SLC24A2: variants seen among roughly 807,000 people sequenced by gnomAD.
SLC24A2 encodes the protein solute carrier family 24 member 2, also known as sodium/potassium/calcium exchanger 2.
In SLC24A2, 36 loss-of-function variants were observed where a neutral mutation model predicts 62.0. The observed-to-expected ratio is 0.58, with a 90% CI of 0.44 to 0.77. The LOEUF is 0.77. Ranked by LOEUF, SLC24A2 falls within the 30% of genes least tolerant of loss-of-function variation. The pLI is 0.00. For synonymous variants in SLC24A2, 358 were observed against 294.0 expected (o/e 1.22, Z -2.23); for missense variants, 846 against 817.9 (o/e 1.03, Z -0.42).
intron 2 of SLC24A2, among the ~76,000 whole-genome samples, chr9:19,636,304 CTTTTCTTTTCT>C (rs1271715026): frequency 1.5e-3 from 62 of 42,526 alleles, no homozygotes; most frequent in Admixed American, 2.1e-3. Context: ...CTTTTCTTTT[CTTTTCTTTTCT>C]TTTCTTTCTT....
At chr9:19,551,495 A>C (rs1437602841) in intron 7 of SLC24A2, among the ~76,000 whole-genome samples, 1 of 151,602 alleles carries the variant, frequency 6.6e-6, no homozygotes, top group Non-Finnish European at 1.5e-5. Flanking sequence ...ATCATCAATC[A>C]CTCCCTTCCC....
chr9:19,871,936 T>G, the SLC24A2 span, among the ~76,000 whole-genome samples: 4 of 152,198 alleles, frequency 2.6e-5, no homozygotes, highest in African/African-American at 9.6e-5. Flanking sequence ...AAACTTGCAA[T>G]TTTGAAGACT....
the SLC24A2 span, among the ~76,000 whole-genome samples, chr9:20,077,629 C>A: frequency 6.6e-6 from 1 of 152,048 alleles, no homozygotes. Context: ...AGAAGTGCCT[C>A]TAGGGTCTCA....
Position 19,515,689 on chromosome 9 carries a change from T to G in SLC24A2, c.*464A>C, listed in dbSNP as rs1338903635. 1 of 151,792 alleles carries G rather than the reference T, an allele frequency of 6.6e-6. No individual in the cohort carries two copies. The highest frequency in any genetic ancestry group is 1.5e-5 in the Non-Finnish European group (1 of 68,124). 9.4% of individuals were successfully genotyped at this position (151,792 alleles called of 1,614,324 possible). A position where few individuals can be genotyped will look rare whatever the true frequency, so the allele number is the denominator to read the frequency against. Reference sequence around the variant, plus strand: ...ATGCATTTGTACTTTTATATATATCTGATTTTATATATATATATATAATTT... The same window carrying G: ...ATGCATTTGTACTTTTATATATATCGGATTTTATATATATATATATAATTT... On this transcript the variant is annotated 3_prime_UTR_variant, in exon 11 of 11. Coordinates refer to ENST00000341998, the MANE Select transcript of SLC24A2 (RefSeq NM_020344.4).
At chr9:20,300,703 A>T in the SLC24A2 span, among the ~76,000 whole-genome samples, 1 of 152,196 alleles carries the variant, frequency 6.6e-6, no homozygotes, top group Non-Finnish European at 1.5e-5. Context: ...CCCTTCTCTC[A>T]TAAAAATGCC....
rs181514042 is a variant in SLC24A2 at position 19,713,107 on chromosome 9, G to C, written c.930+72830C>G. On this transcript the variant is annotated intron_variant, in intron 2 of 10. Coordinates refer to ENST00000341998, the MANE Select transcript of SLC24A2 (RefSeq NM_020344.4). The stretch of plus-strand genomic sequence containing the variant: ...TTTTTCTTCCCAGTATTTATCACTA[G>C]CTAACATCATATCAGATACTTCTTT... Among the ~76,000 whole-genome samples, 5 of 152,194 alleles carry C rather than the reference G, an allele frequency of 3.3e-5. No individual in the cohort carries two copies. In the South Asian group the frequency reaches 1.0e-3, roughly 32 times the overall value.
At chr9:19,684,546 G>A (rs944233604) in intron 2 of SLC24A2, among the ~76,000 whole-genome samples, 1 of 152,008 alleles carries the variant, frequency 6.6e-6, no homozygotes. Flanking sequence ...ACTAAGGAAG[G>A]GGAAACCCCA....
intron 2 of SLC24A2, among the ~76,000 whole-genome samples, chr9:19,687,237 T>A (rs1016916298): frequency 6.6e-6 from 1 of 152,090 alleles, no homozygotes; most frequent in African/African-American, 2.4e-5. Flanking sequence ...ACACACAATT[T>A]ATGTATCTAA....
At chr9:19,881,923 T>C in the SLC24A2 span, among the ~76,000 whole-genome samples, 3 of 152,230 alleles carry the variant, frequency 2.0e-5, no homozygotes, top group Admixed American at 1.3e-4. Flanking sequence ...TAGTGAGCAT[T>C]TCTGCATGTT....
At chr9:20,111,182 A>G in the SLC24A2 span, among the ~76,000 whole-genome samples, 3 of 152,056 alleles carry the variant, frequency 2.0e-5, no homozygotes, top group Non-Finnish European at 4.4e-5. Flanking sequence ...ATTTGGTTCG[A>G]TTTGGCAAAT....
the SLC24A2 span, among the ~76,000 whole-genome samples, chr9:19,913,526 C>A: frequency 6.6e-6 from 1 of 151,978 alleles, no homozygotes; most frequent in Non-Finnish European, 1.5e-5. Flanking sequence ...CAGGGAGAAT[C>A]CAGAGATTAG....
At chr9:20,140,680 C>T in the SLC24A2 span, among the ~76,000 whole-genome samples, 5 of 152,264 alleles carry the variant, frequency 3.3e-5, no homozygotes, top group South Asian at 1.0e-3. Context: ...CTGTACTAAA[C>T]TTGGCCTGAG....
the SLC24A2 span, among the ~76,000 whole-genome samples, chr9:20,045,558 A>G: frequency 6.6e-6 from 1 of 151,954 alleles, no homozygotes; most frequent in South Asian, 2.1e-4. Context: ...CAGCCTCCTG[A>G]GTAGCTAGGA....
At chr9:19,916,515 T>G in the SLC24A2 span, among the ~76,000 whole-genome samples, 1 of 152,068 alleles carries the variant, frequency 6.6e-6, no homozygotes, top group South Asian at 2.1e-4. Flanking sequence ...GTCAACATTT[T>G]GAAGCATTTC....
chr9:20,261,343 A>T, the SLC24A2 span, among the ~76,000 whole-genome samples: 1 of 152,194 alleles, frequency 6.6e-6, no homozygotes, highest in African/African-American at 2.4e-5. Context: ...CAGTGTCAAC[A>T]GGCTGACATC....
chr9:20,305,467 T>C, the SLC24A2 span, among the ~76,000 whole-genome samples: 1 of 151,758 alleles, frequency 6.6e-6, no homozygotes. Flanking sequence ...TGTTAAAGGC[T>C]TTATAATAGC....
At chr9:20,030,419 A>G in the SLC24A2 span, among the ~76,000 whole-genome samples, 73 of 152,318 alleles carry the variant, frequency 4.8e-4, no homozygotes, top group Middle Eastern at 3.4e-3. Flanking sequence ...CTGTACAACC[A>G]TGCAGAAAGG....
chr9:19,527,295 C>G (rs1013888158), intron 9 of SLC24A2, among the ~76,000 whole-genome samples: 3 of 152,060 alleles, frequency 2.0e-5, no homozygotes, highest in African/African-American at 4.8e-5. Context: ...TCAGTTCTAC[C>G]TATGTGATTT....
intron 2 of SLC24A2, among the ~76,000 whole-genome samples, chr9:19,773,921 TC>T (rs1822765929): frequency 6.6e-6 from 1 of 152,204 alleles, no homozygotes; most frequent in Non-Finnish European, 1.5e-5. Flanking sequence ...TCTCTCTTAA[TC>T]CTCTGCAAGA....
Sources: allele counts gnomAD v4.1 joint callset (sites outside exome capture counted in the v4.1 genomes callset), GRCh38; gene constraint gnomAD v4.1.1; transcripts MANE v1.5; gene names NCBI Gene and HGNC (gene_info 2026-07-23, HGNC 2026-07-21).